The following RAD54L2 variants were observed in gnomAD, a reference collection of about 807,000 sequenced individuals.
RAD54L2 encodes helicase ARIP4.
Under a neutral mutation model 138.4 loss-of-function variants are expected in RAD54L2, and 27 were observed. That is an observed-to-expected ratio of 0.20 (90% CI 0.14 to 0.27). The LOEUF (loss-of-function observed/expected upper bound fraction) is 0.27. Among genes scored for constraint, RAD54L2 ranks in the 10% least tolerant of loss-of-function variants. The pLI, the probability that RAD54L2 is intolerant of heterozygous loss-of-function variation, is 1.00. For synonymous variants in RAD54L2, 644 were observed against 723.2 expected (o/e 0.89, Z 1.76); for missense variants, 1,396 against 1,890.2 (o/e 0.74, Z 4.85).
intron 19 of RAD54L2, among the ~76,000 whole-genome samples, chr3:51,654,239 G>A (rs1250421153): frequency 1.3e-5 from 2 of 152,118 alleles, no homozygotes; most frequent in Non-Finnish European, 2.9e-5. Flanking sequence ...AGTAGAGACT[G>A]TGTTTCACCA....
Position 51,637,142 on chromosome 3 carries a change from G to A in RAD54L2, c.1340-19G>A. 1 of 1,560,764 alleles carries A rather than the reference G, an allele frequency of 6.4e-7. No individual in the cohort carries two copies. Among genetic ancestry groups the A allele is most frequent in the East Asian group, 2.4e-5 (1 of 41,888 alleles). On this transcript the variant is annotated intron_variant, in intron 10 of 22. Coordinates refer to ENST00000684192, the MANE Select transcript of RAD54L2 (RefSeq NM_015106.4). The surrounding 1 kb of genome is among the most constrained non-coding windows in gnomAD (Gnocchi z 5.9). Reference sequence around the variant, plus strand: ...CAGGCCCTGTCACCCTCTGACTCCGGATCCTCTTCCCTCCCTAGAGTTTGA... The same window carrying A: ...CAGGCCCTGTCACCCTCTGACTCCGAATCCTCTTCCCTCCCTAGAGTTTGA...
At position 51,639,504 on chromosome 3, in the gene RAD54L2, G is replaced by T; in HGVS notation, c.1946G>T (p.Gly649Val). 2 of 1,613,990 alleles carry T rather than the reference G, an allele frequency of 1.2e-6. No individual in the cohort carries two copies. Among genetic ancestry groups the T allele is most frequent in the Middle Eastern group, 3.3e-4 (2 of 6,062 alleles). ...CAGGACCTAGACGTGGAAGAACTTG[G>T]CTCTGCAGGGACCAGTGCCCGCTGT... is the stretch of plus-strand genomic sequence containing the variant. ...NEQDLDVEELGSAGTSARCPP... is the reference protein window; with the variant it reads ...NEQDLDVEELVSAGTSARCPP... Residue 649 changes from glycine (G) to valine (V), a missense_variant, in exon 13 of 23, where the codon GGC (glycine) becomes GTC (valine). By Grantham distance (109) the Gly-to-Val change is moderately radical (BLOSUM62 -3). This residue lies in a region of RAD54L2 where 211 missense variants were observed against 273.8 expected (regional missense o/e 0.77). Transcript: ENST00000684192.
intron 2 of RAD54L2, among the ~76,000 whole-genome samples, chr3:51,556,788 C>G (rs1217431193): frequency 6.6e-6 from 1 of 152,036 alleles, no homozygotes; most frequent in East Asian, 1.9e-4. Flanking sequence ...TTTGGTCAGG[C>G]TGTTGTCAAA....
chr3:51,570,495 C>T (rs970397571), intron 2 of RAD54L2, among the ~76,000 whole-genome samples: 2 of 144,020 alleles, frequency 1.4e-5, no homozygotes, highest in South Asian at 2.3e-4. Context: ...GTCTCACACT[C>T]GCCCAGGCTG....
intron 19 of RAD54L2, among the ~76,000 whole-genome samples, chr3:51,652,043 G>A (rs1701453108): frequency 1.3e-5 from 2 of 152,310 alleles, no homozygotes; most frequent in Admixed American, 6.5e-5. Context: ...AAACCCCATT[G>A]TCTCAGCCCA....
At chr3:51,580,944 A>G (rs1248279947) in intron 2 of RAD54L2, among the ~76,000 whole-genome samples, 1 of 152,236 alleles carries the variant, frequency 6.6e-6, no homozygotes, top group African/African-American at 2.4e-5. Context: ...ACAAAAGTAT[A>G]TATCACAACG....
intron 2 of RAD54L2, among the ~76,000 whole-genome samples, chr3:51,577,373 G>C (rs1699503110): frequency 6.6e-6 from 1 of 152,172 alleles, no homozygotes; most frequent in Non-Finnish European, 1.5e-5. Flanking sequence ...GCTTGGTGCA[G>C]AGCTGAGTTC....
intron 2 of RAD54L2, among the ~76,000 whole-genome samples, chr3:51,564,025 T>C (rs1699159162): frequency 6.6e-6 from 1 of 152,216 alleles, no homozygotes. Flanking sequence ...TTGATTTAGG[T>C]ATCAATGGGC....
At chr3:51,617,549 C>T (rs576761290) in intron 3 of RAD54L2, among the ~76,000 whole-genome samples, 5 of 152,038 alleles carry the variant, frequency 3.3e-5, no homozygotes, top group African/African-American at 9.7e-5. Context: ...TTATTGGATT[C>T]TGTGTAGTCT....
chr3:51,546,986 A>C (rs1248320818), intron 2 of RAD54L2, among the ~76,000 whole-genome samples: 1 of 152,000 alleles, frequency 6.6e-6, no homozygotes, highest in African/African-American at 2.4e-5. Flanking sequence ...CCGAGATCTC[A>C]CCACTGCACT....
intron 9 of RAD54L2, among the ~76,000 whole-genome samples, chr3:51,634,275 G>C (rs1360058591): frequency 6.7e-6 from 1 of 149,572 alleles, no homozygotes; most frequent in African/African-American, 2.5e-5. Context: ...TTTATATCTT[G>C]AAAAATATGT....
At chr3:51,631,232 G>A (rs943090240) in intron 7 of RAD54L2, among the ~76,000 whole-genome samples, 2 of 152,128 alleles carry the variant, frequency 1.3e-5, no homozygotes, top group African/African-American at 4.8e-5. Flanking sequence ...CATGACTGAG[G>A]TGCTCTCTGG....
chr3:51,617,813 A>G (rs1184733204), intron 3 of RAD54L2, among the ~76,000 whole-genome samples: 1 of 152,222 alleles, frequency 6.6e-6, no homozygotes, highest in East Asian at 1.9e-4. Flanking sequence ...TGGGAGTTTC[A>G]GGCTGCAGTG....
chr3:51,646,604 C>T, intron 19 of RAD54L2, 123 bp downstream of exon 19: 2 of 1,057,220 alleles, frequency 1.9e-6, no homozygotes, highest in Non-Finnish European at 2.7e-6. Flanking sequence ...TTGACAGGCT[C>T]TGCTCTAGGG....
rs576357834 is a variant in RAD54L2, at chr3:51,635,444, G to C, written c.1143-149G>C. 3.4e-5 allele frequency: 30 copies of C among 874,948 alleles called. No homozygotes were observed. In the South Asian group the frequency reaches 6.2e-4, roughly 18 times the overall value. The allele number at this position is 874,948 out of a possible 1,614,324, so 54.2% of individuals were successfully genotyped here. On this transcript the variant is annotated intron_variant, in intron 9 of 22. Coordinates refer to ENST00000684192, the MANE Select transcript of RAD54L2 (RefSeq NM_015106.4). ...TGGGTGGTAGGCTACCCCTGTGCTT[G>C]CTGCCACATGAAATCTTTGGTAATA...
chr3:51,570,667 G>T (rs1026266867), intron 2 of RAD54L2, among the ~76,000 whole-genome samples: 7 of 151,688 alleles, frequency 4.6e-5, no homozygotes, highest in Non-Finnish European at 7.4e-5. Flanking sequence ...ATGTTGGCCA[G>T]GATGGTCTTG....
At chr3:51,606,722 C>T (rs1460354741) in intron 3 of RAD54L2, among the ~76,000 whole-genome samples, 23 of 151,820 alleles carry the variant, frequency 1.5e-4, no homozygotes, top group Admixed American at 1.5e-3. Context: ...TTGCTGTGTC[C>T]CTCAGTCTGG....
intron 19 of RAD54L2, among the ~76,000 whole-genome samples, chr3:51,650,985 A>G (rs372406547): frequency 2.0e-5 from 3 of 152,198 alleles, no homozygotes; most frequent in South Asian, 2.1e-4. Context: ...CAAAAAGTCA[A>G]TGAATTCAGG....
chr3:51,607,471 G>A (rs1273705388), intron 3 of RAD54L2, among the ~76,000 whole-genome samples: 1 of 152,174 alleles, frequency 6.6e-6, no homozygotes, highest in Non-Finnish European at 1.5e-5. Context: ...ACTTTTCCTA[G>A]TACAGAACAA....
Sources: gnomAD v4.1 joint callset for allele counts (sites outside exome capture counted in the v4.1 genomes callset) on GRCh38, gnomAD v4.1.1 for gene constraint, gnomAD v4.1.1 regional missense constraint, Gnocchi (gnomAD v3.1) non-coding constraint, MANE v1.5 for transcripts, NCBI Gene and HGNC (gene_info 2026-07-23, HGNC 2026-07-21) for gene names.